HTR2C: variants seen among roughly 807,000 people sequenced by gnomAD.
HTR2C encodes the protein 5-hydroxytryptamine (serotonin) receptor 2C, G protein-coupled.
Under a neutral mutation model 21.0 loss-of-function variants are expected in HTR2C, and 5 were observed. The observed-to-expected ratio is 0.24, with a 90% CI of 0.12 to 0.50. The LOEUF is 0.50. Among genes scored for constraint, HTR2C ranks in the 20% least tolerant of loss-of-function variants. The pLI, the probability that HTR2C is intolerant of heterozygous loss-of-function variation, is 0.98. For synonymous variants in HTR2C, 150 were observed against 145.3 expected (o/e 1.03, Z -0.23); for missense variants, 271 against 371.2 (o/e 0.73, Z 2.22).
At chrX:114,616,532 C>T (rs782257739) in intron 2 of HTR2C, among the ~76,000 whole-genome samples, 53 of 111,476 alleles carry the variant, frequency 4.8e-4, no homozygotes, top group African/African-American at 1.7e-3. Flanking sequence ...AGTGATCCAA[C>T]AGCCTCGGCC....
At chrX:114,676,273 T>C (rs1190579758) in intron 2 of HTR2C, among the ~76,000 whole-genome samples, 1 of 111,824 alleles carries the variant, frequency 8.9e-6, no homozygotes, top group Non-Finnish European at 1.9e-5. Context: ...TCCTAATGCA[T>C]ATAGAAAAAA....
At chrX:114,733,770 G>A (rs782489459) in intron 4 of HTR2C, among the ~76,000 whole-genome samples, 4 of 111,060 alleles carry the variant, frequency 3.6e-5, no homozygotes, top group Non-Finnish European at 7.5e-5. Flanking sequence ...AAAGAAAAGA[G>A]GATGCTCTTG....
chrX:114,826,538 G>T (rs2147464459), intron 4 of HTR2C, among the ~76,000 whole-genome samples: 1 of 111,932 alleles, frequency 8.9e-6, no homozygotes, highest in African/African-American at 3.2e-5. Context: ...AATTTCACGT[G>T]TAGACTTGAG....
chrX:114,882,376 A>C (rs1556480015), intron 5 of HTR2C, among the ~76,000 whole-genome samples: 1 of 110,212 alleles, frequency 9.1e-6, no homozygotes, highest in Non-Finnish European at 1.9e-5. Context: ...CCTCTAGTAC[A>C]ATGATAAATG....
chrX:114,808,739 A>G (rs1308981399), intron 4 of HTR2C, among the ~76,000 whole-genome samples: 1 of 111,492 alleles, frequency 9.0e-6, no homozygotes, highest in Non-Finnish European at 1.9e-5. Context: ...CCCTTTTTGT[A>G]TGACTGTTTG....
At chrX:114,805,981 T>TC in intron 4 of HTR2C, among the ~76,000 whole-genome samples, 1 of 9,082 alleles carries the variant, frequency 1.1e-4, no homozygotes, top group African/African-American at 1.9e-4. Flanking sequence ...ATATACACCA[T>TC]ATATATACAC....
chrX:114,702,089 G>C (rs1381073656), intron 2 of HTR2C, among the ~76,000 whole-genome samples: 1 of 111,307 alleles, frequency 9.0e-6, no homozygotes, highest in Non-Finnish European at 1.9e-5. Context: ...TCTGATTGGT[G>C]TACCTGAAAG....
chrX:114,745,656 A>G (rs947411718), intron 4 of HTR2C, among the ~76,000 whole-genome samples: 5 of 112,267 alleles, frequency 4.5e-5, no homozygotes, highest in Non-Finnish European at 5.6e-5. Flanking sequence ...TTTCAACAAC[A>G]TGAATGGAAC....
rs149495804 is a variant in HTR2C at position 114,865,385 on chromosome X, G to A, written c.550+17182G>A. 9.6e-3 allele frequency among the ~76,000 whole-genome samples: 1,071 copies of A among 111,775 alleles called. 15 individuals are homozygous for A. Among genetic ancestry groups the A allele is most frequent in the African/African-American group, 0.033 (1,010 of 30,808 alleles). On this transcript the variant is annotated intron_variant, in intron 5 of 5. Transcript: ENST00000276198. ...GTGGGCATATATTTTTATTTCTCTTGGATAAATACTTAAGAGTAGAATGGC... is the reference window on the plus strand; with the variant it reads ...GTGGGCATATATTTTTATTTCTCTTAGATAAATACTTAAGAGTAGAATGGC...
chrX:114,807,723 A>T (rs141654508), intron 4 of HTR2C, among the ~76,000 whole-genome samples: 8,815 of 106,848 alleles, frequency 0.083, 322 homozygotes, highest in African/African-American at 0.12. Context: ...ACCAAGCTGG[A>T]GTGCAGTAGT....
chrX:114,610,552 A>G (rs1352801612), intron 1 of HTR2C, among the ~76,000 whole-genome samples: 1 of 111,976 alleles, frequency 8.9e-6, no homozygotes, highest in Non-Finnish European at 1.9e-5. Flanking sequence ...AGGTAATAGA[A>G]TTGCACATGC....
chrX:114,609,453 A>G (rs1357292757), intron 1 of HTR2C, among the ~76,000 whole-genome samples: 1 of 111,316 alleles, frequency 9.0e-6, no homozygotes, highest in Non-Finnish European at 1.9e-5. Flanking sequence ...TGGGCGATGC[A>G]CCATTTTGTA....
At chrX:114,623,903 G>GTTTT (rs1213166061) in intron 2 of HTR2C, among the ~76,000 whole-genome samples, 1 of 42,541 alleles carries the variant, frequency 2.4e-5, no homozygotes, top group Non-Finnish European at 4.4e-5. Context: ...TTTTTTTGTT[G>GTTTT]TTGTTTTTTT....
intron 4 of HTR2C, among the ~76,000 whole-genome samples, chrX:114,805,558 C>T (rs1556448481): frequency 2.0e-5 from 2 of 99,971 alleles, no homozygotes; most frequent in East Asian, 6.4e-4. Context: ...TATATATACA[C>T]ACCATATAGA....
intron 1 of HTR2C, among the ~76,000 whole-genome samples, chrX:114,594,069 G>A (rs1927736693): frequency 9.0e-6 from 1 of 110,817 alleles, no homozygotes; most frequent in Non-Finnish European, 1.9e-5. Context: ...GTAAATTTAA[G>A]ATATCTTTGG....
intron 5 of HTR2C, among the ~76,000 whole-genome samples, chrX:114,876,095 A>T (rs1258538107): frequency 1.8e-5 from 2 of 110,295 alleles, no homozygotes; most frequent in Admixed American, 1.9e-4. Flanking sequence ...TCAATGTTTT[A>T]TAGTTTTCAG....
At chrX:114,772,237 C>T (rs1194513804) in intron 4 of HTR2C, among the ~76,000 whole-genome samples, 3 of 111,961 alleles carry the variant, frequency 2.7e-5, no homozygotes, top group African/African-American at 9.7e-5. Context: ...CTCATAAGTA[C>T]TTCTTTATAC....
At chrX:114,686,690 A>T (rs1931925215) in intron 2 of HTR2C, among the ~76,000 whole-genome samples, 1 of 110,295 alleles carries the variant, frequency 9.1e-6, no homozygotes, top group South Asian at 3.7e-4. Flanking sequence ...TATTTTATTT[A>T]AAAAATTTTT....
chrX:114,773,910 C>A (rs1277595267), intron 4 of HTR2C, among the ~76,000 whole-genome samples: 1 of 106,018 alleles, frequency 9.4e-6, no homozygotes, highest in Non-Finnish European at 1.9e-5. Flanking sequence ...CAAACTCCAT[C>A]ATCTTTAACA....
Sources: gnomAD v4.1 joint callset for allele counts (sites outside exome capture counted in the v4.1 genomes callset) on GRCh38, gnomAD v4.1.1 for gene constraint, MANE v1.5 for transcripts, NCBI Gene and HGNC (gene_info 2026-07-23, HGNC 2026-07-21) for gene names.